CCDC192: variants seen among roughly 807,000 people sequenced by gnomAD.
The protein encoded by CCDC192 is coiled-coil domain-containing protein 192.
chr5:127,895,385 A>G (rs1294379362), intron 6 of CCDC192, among the ~76,000 whole-genome samples: 1 of 152,244 alleles, frequency 6.6e-6, no homozygotes, highest in Non-Finnish European at 1.5e-5. Flanking sequence ...AGATCAAAAG[A>G]TTGAAGCTAG....
intron 6 of CCDC192, among the ~76,000 whole-genome samples, chr5:127,881,302 A>T (rs1043299524): frequency 6.6e-6 from 1 of 152,222 alleles, no homozygotes; most frequent in Non-Finnish European, 1.5e-5. Context: ...TCTAAGTGAC[A>T]TTTGTTACCT....
chr5:127,778,747 G>C (rs532188066), intron 3 of CCDC192, among the ~76,000 whole-genome samples: 208 of 151,940 alleles, frequency 1.4e-3, no homozygotes, highest in Middle Eastern at 3.4e-3. Context: ...TGGGAGTTTT[G>C]TTTCTTTTCT....
At chr5:127,909,622 A>G (rs2127175165) in intron 6 of CCDC192, among the ~76,000 whole-genome samples, 1 of 152,164 alleles carries the variant, frequency 6.6e-6, no homozygotes, top group Non-Finnish European at 1.5e-5. Flanking sequence ...TCACATTGCT[A>G]GTTAATGGAA....
At chr5:127,795,870 G>A (rs59139012) in intron 3 of CCDC192, among the ~76,000 whole-genome samples, 4,377 of 152,218 alleles carry the variant, frequency 0.029, 197 homozygotes, top group African/African-American at 0.099. Context: ...AAGCCAGACT[G>A]CAATCCCAAA....
chr5:127,907,378 A>T (rs1394331369), intron 6 of CCDC192, among the ~76,000 whole-genome samples: 1 of 152,214 alleles, frequency 6.6e-6, no homozygotes, highest in Non-Finnish European at 1.5e-5. Flanking sequence ...TTATAAAGTT[A>T]TCTCAAGTAA....
At chr5:127,853,261 G>A (rs189169775) in intron 5 of CCDC192, among the ~76,000 whole-genome samples, 9 of 152,106 alleles carry the variant, frequency 5.9e-5, no homozygotes, top group Non-Finnish European at 1.0e-4. Context: ...CCCAGAATGG[G>A]ATCCTCAGTA....
intron 2 of CCDC192, among the ~76,000 whole-genome samples, chr5:127,718,832 A>C (rs915181959): frequency 2.0e-5 from 3 of 152,204 alleles, no homozygotes. Context: ...AGGCATAAAT[A>C]TATAATAATC....
chr5:127,816,344 G>A (rs1749027816), intron 5 of CCDC192, among the ~76,000 whole-genome samples: 1 of 152,166 alleles, frequency 6.6e-6, no homozygotes, highest in South Asian at 2.1e-4. Flanking sequence ...GGACCCTAAA[G>A]CTAATAAGCA....
At position 127,727,328 on chromosome 5, in the gene CCDC192, C is replaced by T. The variant is rs139833915; in HGVS notation, c.114+19568C>T. ...TCTCTACTAAAAATACAAGATTAGC[C>T]GGGCATGGTGGCGCATGCCTGCAAT... On this transcript the variant is annotated intron_variant, in intron 2 of 6. Coordinates refer to ENST00000514853, the MANE Select transcript of CCDC192 (RefSeq NM_001317938.2). Among the ~76,000 whole-genome samples, 1,515 of 152,086 alleles carry T rather than the reference C, an allele frequency of 1.0e-2. 28 individuals carry two copies. Among genetic ancestry groups the T allele is most frequent in the African/African-American group, 0.035 (1,439 of 41,472 alleles).
intron 5 of CCDC192, among the ~76,000 whole-genome samples, chr5:127,875,303 G>GT (rs754588052): frequency 2.0e-5 from 3 of 152,144 alleles, no homozygotes; most frequent in Non-Finnish European, 4.4e-5. Flanking sequence ...CTTCAACAGT[G>GT]TAAAAGATAC....
chr5:127,934,662 AT>A (rs1460781479), intron 6 of CCDC192, among the ~76,000 whole-genome samples: 4 of 152,234 alleles, frequency 2.6e-5, no homozygotes, highest in Admixed American at 6.5e-5. Context: ...TACAAAAAAA[AT>A]AAGTGAATCA....
chr5:127,816,234 A>T (rs1034533658), intron 5 of CCDC192, among the ~76,000 whole-genome samples: 3 of 152,208 alleles, frequency 2.0e-5, no homozygotes, highest in African/African-American at 7.2e-5. Context: ...AACATTACAA[A>T]GGGTTCAAAT....
intron 6 of CCDC192, among the ~76,000 whole-genome samples, chr5:127,894,316 C>A (rs1286506111): frequency 2.0e-5 from 3 of 151,554 alleles, no homozygotes; most frequent in Non-Finnish European, 4.4e-5. Flanking sequence ...CCTCAGCCTC[C>A]CGAGTAGCTG....
At chr5:127,750,873 CTTCT>C (rs1379703625) in intron 2 of CCDC192, among the ~76,000 whole-genome samples, 2 of 151,236 alleles carry the variant, frequency 1.3e-5, no homozygotes, top group African/African-American at 2.4e-5. Context: ...ATGTAATGGC[CTTCT>C]TTGTCTCTTT....
intron 6 of CCDC192, among the ~76,000 whole-genome samples, chr5:127,911,927 A>G (rs1352456827): frequency 6.6e-5 from 10 of 150,992 alleles, no homozygotes; most frequent in Admixed American, 2.6e-4. Context: ...ACCTCTCACC[A>G]AATTTTTTTT....
chr5:127,846,861 G>C (rs1218397328), intron 5 of CCDC192, among the ~76,000 whole-genome samples: 1 of 142,440 alleles, frequency 7.0e-6, no homozygotes, highest in African/African-American at 2.6e-5. Context: ...AAACATCAGT[G>C]ATTCCTCCCT....
chr5:127,784,772 ACCTTC>A, intron 3 of CCDC192: 1 of 498,610 alleles, frequency 2.0e-6, no homozygotes, highest in South Asian at 1.7e-5. Flanking sequence ...GTGTTTCAAA[ACCTTC>A]CTCATCTTCA....
At chr5:127,870,860 T>C (rs1751825013) in intron 5 of CCDC192, among the ~76,000 whole-genome samples, 1 of 152,262 alleles carries the variant, frequency 6.6e-6, no homozygotes, top group Admixed American at 6.5e-5. Context: ...TTCATTACTA[T>C]TATTGATTGG....
chr5:127,855,895 T>A (rs1180270706), intron 5 of CCDC192, among the ~76,000 whole-genome samples: 1 of 152,206 alleles, frequency 6.6e-6, no homozygotes, highest in Non-Finnish European at 1.5e-5. Flanking sequence ...TGTAAACAGA[T>A]GAACCAGACT....
Sources: gnomAD v4.1 joint callset for allele counts (sites outside exome capture counted in the v4.1 genomes callset) on GRCh38, gnomAD v4.1.1 for gene constraint, MANE v1.5 for transcripts, NCBI Gene and HGNC (gene_info 2026-07-23, HGNC 2026-07-21) for gene names.